The following QKI variants were observed in gnomAD, a reference collection of about 807,000 sequenced individuals.
The protein encoded by QKI is QKI, KH domain containing RNA binding.
A neutral mutation model predicts 39.0 loss-of-function variants in QKI; 10 were observed. The ratio of observed to expected loss-of-function variants is 0.26; its 90% CI spans 0.16 to 0.43. The LOEUF is 0.43. Among genes scored for constraint, QKI ranks in the 20% least tolerant of loss-of-function variants. QKI has a pLI of 1.00. For synonymous variants in QKI, 204 were observed against 155.4 expected (o/e 1.31, Z -2.33); for missense variants, 218 against 428.0 (o/e 0.51, Z 4.33).
At chr6:163,567,153 G>C (rs1783413996) in intron 7 of QKI, 2 of 1,015,138 alleles carry the variant, frequency 2.0e-6, no homozygotes, top group Non-Finnish European at 2.4e-6. Context: ...TTTGGGGTTG[G>C]TATTGCAAAA....
intron 3 of QKI, among the ~76,000 whole-genome samples, chr6:163,500,749 T>C (rs1450359609): frequency 6.6e-6 from 1 of 152,174 alleles, no homozygotes; most frequent in Non-Finnish European, 1.5e-5. Flanking sequence ...AAATACTTTA[T>C]GAATTAGTTG....
At chr6:163,535,275 A>G (rs755024828) in intron 4 of QKI, 150 bp downstream of exon 4, 37 of 796,842 alleles carry the variant, frequency 4.6e-5, no homozygotes, top group Non-Finnish European at 5.8e-5. Context: ...GATACTTCTA[A>G]CATAATAAAA....
chr6:163,427,328 A>G (rs890194994), intron 1 of QKI, among the ~76,000 whole-genome samples: 12 of 148,394 alleles, frequency 8.1e-5, no homozygotes, highest in African/African-American at 3.0e-4. Flanking sequence ...TTATTCTACA[A>G]TATTAAGGAA....
At chr6:163,444,481 C>G (rs538859308) in intron 1 of QKI, among the ~76,000 whole-genome samples, 2 of 152,166 alleles carry the variant, frequency 1.3e-5, no homozygotes, top group African/African-American at 4.8e-5. Context: ...GGATTGTAAT[C>G]TTTCTCCACC....
At chr6:163,435,528 C>T (rs1211139796) in intron 1 of QKI, among the ~76,000 whole-genome samples, 1 of 152,144 alleles carries the variant, frequency 6.6e-6, no homozygotes, top group East Asian at 1.9e-4. Flanking sequence ...TTTGCTTGGC[C>T]TGCTTAGTTC....
intron 1 of QKI, among the ~76,000 whole-genome samples, chr6:163,435,410 G>C (rs2128212625): frequency 6.6e-6 from 1 of 152,316 alleles, no homozygotes; most frequent in East Asian, 1.9e-4. Context: ...GGAAATTGCA[G>C]ACCTTGATAC....
intron 3 of QKI, among the ~76,000 whole-genome samples, chr6:163,526,215 T>C (rs1363430052): frequency 4.6e-5 from 7 of 152,206 alleles, no homozygotes; most frequent in Non-Finnish European, 8.8e-5. Flanking sequence ...AGATGATTAT[T>C]GAAACTGGGA....
At chr6:163,416,185 C>T (rs573746008) in intron 1 of QKI, 3 of 330,186 alleles carry the variant, frequency 9.1e-6, no homozygotes, top group African/African-American at 4.4e-5. Context: ...GGTTTCGAGA[C>T]GTTTGGAAAG....
chr6:163,429,068 T>G (rs542661599), intron 1 of QKI: 8 of 152,330 alleles, frequency 5.3e-5, no homozygotes, highest in Admixed American at 2.6e-4. Context: ...GGCACAGAGA[T>G]AGCGTAGCAC....
At chr6:163,557,822 A>G (rs1276421313) in intron 4 of QKI, among the ~76,000 whole-genome samples, 2 of 152,132 alleles carry the variant, frequency 1.3e-5, no homozygotes, top group Non-Finnish European at 2.9e-5. Flanking sequence ...AAAACTTAAA[A>G]AAAAAAAAAG....
intron 1 of QKI, among the ~76,000 whole-genome samples, chr6:163,433,271 G>T (rs814143): frequency 0.23 from 34,890 of 152,046 alleles, 4,182 homozygotes; most frequent in Middle Eastern, 0.29. Flanking sequence ...TTACTTTGTG[G>T]ATATTTAAAG....
chr6:163,425,650 A>G (rs995091819), intron 1 of QKI, among the ~76,000 whole-genome samples: 3 of 152,114 alleles, frequency 2.0e-5, no homozygotes, highest in African/African-American at 4.8e-5. Flanking sequence ...CTGTATTTTA[A>G]ACTCCTTAAA....
At chr6:163,475,593 AC>A (rs1792529307) in intron 2 of QKI, among the ~76,000 whole-genome samples, 1 of 152,116 alleles carries the variant, frequency 6.6e-6, no homozygotes. Context: ...AATATTTATG[AC>A]AGTGATGACA....
chr6:163,470,520 C>G (rs1252023860), intron 2 of QKI, among the ~76,000 whole-genome samples: 3 of 151,988 alleles, frequency 2.0e-5, no homozygotes, highest in African/African-American at 7.3e-5. Flanking sequence ...AGTGTATTGT[C>G]TGACACACAC....
At chr6:163,418,394 A>G (rs1411158082) in intron 1 of QKI, among the ~76,000 whole-genome samples, 1 of 152,124 alleles carries the variant, frequency 6.6e-6, no homozygotes, top group Non-Finnish European at 1.5e-5. Context: ...GATGTTTTAG[A>G]ATGAGTATTT....
rs1792336661 is a variant in QKI, at chr6:163,473,214, G to A, written c.286-5566G>A. Among the ~76,000 whole-genome samples, 4 of 152,222 alleles carry A rather than the reference G, an allele frequency of 2.6e-5. No individual in the cohort carries two copies. The South Asian group carries it at 8.3e-4, about 32-fold the overall frequency. On this transcript the variant is annotated intron_variant, in intron 2 of 7. Transcript: ENST00000361752. ...GGTTGCAGATATTGATGATGACTGGGTCACTGTCTTTCATTCCCCAACAAG... is the reference window on the plus strand; with the variant it reads ...GGTTGCAGATATTGATGATGACTGGATCACTGTCTTTCATTCCCCAACAAG...
intron 4 of QKI, among the ~76,000 whole-genome samples, chr6:163,552,686 C>G (rs528735818): frequency 1.3e-5 from 2 of 152,118 alleles, no homozygotes; most frequent in Admixed American, 6.5e-5. Flanking sequence ...TATATGTTTT[C>G]TAGAGAAGGA....
At chr6:163,485,582 C>A (rs1419506760) in intron 3 of QKI, among the ~76,000 whole-genome samples, 1 of 151,792 alleles carries the variant, frequency 6.6e-6, no homozygotes, top group Non-Finnish European at 1.5e-5. Context: ...TCTCCCTTCT[C>A]ATAAACAAGA....
At chr6:163,464,568 C>CA (rs1791588177) in intron 2 of QKI, among the ~76,000 whole-genome samples, 1 of 151,888 alleles carries the variant, frequency 6.6e-6, no homozygotes, top group Non-Finnish European at 1.5e-5. Flanking sequence ...AAATATATGC[C>CA]AAAAAATTGA....
Sources: gnomAD v4.1 joint callset for allele counts (sites outside exome capture counted in the v4.1 genomes callset) on GRCh38, gnomAD v4.1.1 for gene constraint, MANE v1.5 for transcripts, NCBI Gene and HGNC (gene_info 2026-07-23, HGNC 2026-07-21) for gene names.